The following TPCN1 variants were observed in gnomAD, a reference collection of about 807,000 sequenced individuals.
TPCN1 encodes the protein two pore segment channel 1, also known as two pore channel protein 1.
A neutral mutation model predicts 108.8 loss-of-function variants in TPCN1; 52 were observed. That is an observed-to-expected ratio of 0.48 (90% CI 0.38 to 0.60). The LOEUF is 0.60. Ranked by LOEUF, TPCN1 falls within the 20% of genes least tolerant of loss-of-function variation. The pLI, the probability that TPCN1 is intolerant of heterozygous loss-of-function variation, is 0.00. For synonymous variants in TPCN1, 446 were observed against 433.7 expected (o/e 1.03, Z -0.35); for missense variants, 806 against 1,072.8 (o/e 0.75, Z 3.47).
chr12:113,291,709 C>T (rs1457141436), intron 24 of TPCN1, 32 bp downstream of exon 24: 2 of 1,607,618 alleles, frequency 1.2e-6, no homozygotes, highest in South Asian at 2.2e-5. Flanking sequence ...GCTCTTTGTC[C>T]TTCGTCTTCC....
At chr12:113,260,294 T>C (rs915171593) in intron 2 of TPCN1, 74 bp from the exon 3 acceptor site, 5 of 1,435,466 alleles carry the variant, frequency 3.5e-6, no homozygotes, top group African/African-American at 1.5e-5. Flanking sequence ...CTGCCAGGCT[T>C]TTCTTCTGCC....
intron 2 of TPCN1, among the ~76,000 whole-genome samples, chr12:113,259,990 CT>C (rs1226581874): frequency 6.6e-6 from 1 of 152,230 alleles, no homozygotes; most frequent in African/African-American, 2.4e-5. Context: ...CAAAAAGGGT[CT>C]GTCTACCCTA....
Position 113,269,211 on chromosome 12 carries a change from G to A in TPCN1, c.659+339G>A, listed in dbSNP as rs78646321. On this transcript the variant is annotated intron_variant, in intron 6 of 27. Coordinates refer to ENST00000335509, the MANE Select transcript of TPCN1 (RefSeq NM_017901.6). This position sits in a 1 kb window ranked among gnomAD's most constrained non-coding sequence, Gnocchi z 5.0. ...AGCAGACTCTCCTGCCACCTCCATC[G>A]AGGCTGTAGGACCAAACTCAAACCA... is the stretch of plus-strand genomic sequence containing the variant. 5.5e-3 allele frequency among the ~76,000 whole-genome samples: 833 copies of A among 152,276 alleles called. 3 individuals carry two copies. The highest frequency in any genetic ancestry group is 0.019 in the African/African-American group (783 of 41,546).
intron 22 of TPCN1, among the ~76,000 whole-genome samples, chr12:113,290,642 C>T (rs1019047205): frequency 2.0e-5 from 3 of 152,334 alleles, no homozygotes; most frequent in African/African-American, 7.2e-5. Context: ...ACAGCCAAAC[C>T]GCCTCTCCAG....
At chr12:113,276,736 C>T (rs1955685157) in intron 10 of TPCN1, among the ~76,000 whole-genome samples, 183 bp from the exon 11 acceptor site, 1 of 152,110 alleles carries the variant, frequency 6.6e-6, no homozygotes, top group African/African-American at 2.4e-5. Context: ...AAAGGGCCTT[C>T]CTCTGTTGAG....
chr12:113,292,675 T>C (rs1956306078), intron 25 of TPCN1: 2 of 407,214 alleles, frequency 4.9e-6, no homozygotes, highest in African/African-American at 4.1e-5. Context: ...CATCTGACCA[T>C]TTTCTCTGTG....
At chr12:113,236,040 A>G (rs978902007) in intron 2 of TPCN1, among the ~76,000 whole-genome samples, 1 of 152,210 alleles carries the variant, frequency 6.6e-6, no homozygotes, top group South Asian at 2.1e-4. Flanking sequence ...TCCTAGAGCC[A>G]TACTGAAGAG....
At chr12:113,235,332 T>A (rs775018408) in intron 2 of TPCN1, among the ~76,000 whole-genome samples, 4 of 152,170 alleles carry the variant, frequency 2.6e-5, no homozygotes, top group Non-Finnish European at 4.4e-5. Flanking sequence ...GTCTATGGAG[T>A]GCTCATTCTA....
chr12:113,286,656 TCCAGGGCTGCGGAGG>T (rs1232297801), intron 18 of TPCN1, among the ~76,000 whole-genome samples: 1 of 152,184 alleles, frequency 6.6e-6, no homozygotes, highest in Non-Finnish European at 1.5e-5. Flanking sequence ...GAGGCCTGTC[TCCAGGGCTGCGGAGG>T]CCAGGGCTGC....
At chr12:113,226,611 G>A in intron 1 of TPCN1, 117 bp from the exon 2 acceptor site, 1 of 848,884 alleles carries the variant, frequency 1.2e-6, no homozygotes, top group Non-Finnish European at 1.8e-6. Context: ...GTATACTTGA[G>A]TGGTTTTTAT....
chr12:113,247,946 C>T (rs897658600), intron 2 of TPCN1, among the ~76,000 whole-genome samples: 4 of 152,232 alleles, frequency 2.6e-5, no homozygotes, highest in African/African-American at 9.6e-5. Context: ...AAAGTCCGTC[C>T]TGGGAGGGGG....
intron 2 of TPCN1, among the ~76,000 whole-genome samples, chr12:113,245,600 CAAAAA>C (rs766002477): frequency 9.3e-5 from 4 of 43,204 alleles, no homozygotes; most frequent in Non-Finnish European, 1.7e-4. Flanking sequence ...GACTCCGTCT[CAAAAA>C]AAAAAAAAAA....
intron 27 of TPCN1, among the ~76,000 whole-genome samples, chr12:113,295,593 G>A (rs370631296): frequency 4.6e-5 from 7 of 152,028 alleles, no homozygotes; most frequent in East Asian, 3.9e-4. Context: ...TCGGTGTCTC[G>A]GGTGTGAAAC....
chr12:113,284,336 T>C lies in TPCN1; in HGVS notation c.1343-245T>C, dbSNP rs917401078. ...ATCTCTACATCATAACTGGTATTCA[T>C]ACAGTGACAGAGGGAGTGTTTTTAG... On this transcript the variant is annotated intron_variant, in intron 15 of 27. Transcript: ENST00000335509. The surrounding 1 kb of genome is among the most constrained non-coding windows in gnomAD (Gnocchi z 4.1). Among the ~76,000 whole-genome samples, 3 of 152,230 alleles carry C rather than the reference T, an allele frequency of 2.0e-5. No homozygotes were observed. The highest frequency in any genetic ancestry group is 4.4e-5 in the Non-Finnish European group (3 of 68,038).
intron 15 of TPCN1, among the ~76,000 whole-genome samples, chr12:113,281,799 G>A (rs1466007654): frequency 5.3e-5 from 8 of 151,934 alleles, no homozygotes; most frequent in African/African-American, 1.7e-4. Flanking sequence ...TTGGCCTCCC[G>A]AAGTGCTGGG....
chr12:113,263,536 C>T (rs886731875), intron 3 of TPCN1, among the ~76,000 whole-genome samples: 3 of 152,260 alleles, frequency 2.0e-5, no homozygotes, highest in African/African-American at 7.2e-5. Context: ...GCTGGGATTA[C>T]AGGCATGAGC....
intron 2 of TPCN1, among the ~76,000 whole-genome samples, chr12:113,251,795 A>G (rs900028646): frequency 1.3e-5 from 2 of 152,200 alleles, no homozygotes; most frequent in African/African-American, 2.4e-5. Context: ...CAGGCAAGCC[A>G]TGGAAGGATT....
At position 113,273,688 on chromosome 12, in the gene TPCN1, G is replaced by T. The variant is rs756092265; in HGVS notation, c.942+20G>T. The T allele has an allele frequency of 1.4e-5, 22 of 1,597,690 alleles. No individual in the cohort carries two copies. Among genetic ancestry groups the T allele is most frequent in the Non-Finnish European group, 1.8e-5 (21 of 1,165,486 alleles). On this transcript the variant is annotated intron_variant, in intron 10 of 27. Coordinates refer to ENST00000335509, the MANE Select transcript of TPCN1 (RefSeq NM_017901.6). The surrounding 1 kb of genome is among the most constrained non-coding windows in gnomAD (Gnocchi z 4.0). ...AACCTGGTGAGTGACTATGCCTCAG[G>T]CTACGCTGAAGCAGCCTGCCCCTAC...
intron 3 of TPCN1, among the ~76,000 whole-genome samples, chr12:113,261,734 A>G (rs889113236): frequency 2.0e-5 from 3 of 152,116 alleles, no homozygotes; most frequent in Admixed American, 6.6e-5. Context: ...TGGCTATTTA[A>G]ATAGCTTTAA....
Sources: allele counts gnomAD v4.1 joint callset (sites outside exome capture counted in the v4.1 genomes callset), GRCh38; gene constraint gnomAD v4.1.1; non-coding constraint Gnocchi (gnomAD v3.1); transcripts MANE v1.5; gene names NCBI Gene and HGNC (gene_info 2026-07-23, HGNC 2026-07-21).